Variants in PCDHGB6 observed in about 807,000 individuals in gnomAD.
PCDHGB6 encodes protocadherin gamma subfamily B, 6, also known as protocadherin gamma-B6.
Under a neutral mutation model 59.1 loss-of-function variants are expected in PCDHGB6, and 51 were observed. That is an observed-to-expected ratio of 0.86 (90% confidence interval 0.69 to 1.09). The LOEUF is 1.09. Ranked by LOEUF, PCDHGB6 falls within the 50% of genes least tolerant of loss-of-function variation. The pLI, the probability that PCDHGB6 is intolerant of heterozygous loss-of-function variation, is 0.00. For missense variants in PCDHGB6, 1,148 were observed against 1,205.1 expected, an observed-to-expected ratio of 0.95 and a Z score of 0.70; for synonymous variants, 466 against 495.1, an observed-to-expected ratio of 0.94 and a Z score of 0.78.
chr5:141,448,786 A>C (rs1354591718), intron 1 of PCDHGB6, among the ~76,000 whole-genome samples: 1 of 148,848 alleles, frequency 6.7e-6, no homozygotes, highest in African/African-American at 2.5e-5. Flanking sequence ...TAAAAATACA[A>C]AAAAAAAAAT....
At chr5:141,452,161 A>G (rs559274240) in intron 1 of PCDHGB6, among the ~76,000 whole-genome samples, 1 of 152,204 alleles carries the variant, frequency 6.6e-6, no homozygotes, top group South Asian at 2.1e-4. Context: ...GTTATATTCT[A>G]TTACTAACAT....
At chr5:141,497,464 T>C (rs1277760390) in intron 2 of PCDHGB6, among the ~76,000 whole-genome samples, 1 of 151,764 alleles carries the variant, frequency 6.6e-6, no homozygotes, top group Admixed American at 6.6e-5. Context: ...CTTGGAGATA[T>C]GGAGGAGAAG....
At chr5:141,508,700 CCT>C in intron 3 of PCDHGB6, among the ~76,000 whole-genome samples, 1 of 152,158 alleles carries the variant, frequency 6.6e-6, no homozygotes, top group Non-Finnish European at 1.5e-5. Flanking sequence ...CCGTGTTCCT[CCT>C]CATTCTTTTC....
chr5:141,471,564 T>C (rs1352708320), intron 1 of PCDHGB6: 1 of 152,184 alleles, frequency 6.6e-6, no homozygotes, highest in African/African-American at 2.4e-5. Context: ...GACTCAGGGG[T>C]AGCAGTAGAT....
intron 1 of PCDHGB6, chr5:141,423,839 A>C: frequency 7.8e-7 from 1 of 1,279,970 alleles, no homozygotes; most frequent in Admixed American, 3.8e-5. Flanking sequence ...AGATTACGAT[A>C]ATCTTTCAGA....
intron 1 of PCDHGB6, among the ~76,000 whole-genome samples, chr5:141,465,090 A>G (rs566511602): frequency 6.7e-6 from 1 of 149,576 alleles, no homozygotes; most frequent in Admixed American, 6.7e-5. Flanking sequence ...TCATTTTTCT[A>G]GTAGTTTTTT....
At chr5:141,450,727 T>G (rs1592137328) in intron 1 of PCDHGB6, among the ~76,000 whole-genome samples, 1 of 152,080 alleles carries the variant, frequency 6.6e-6, no homozygotes, top group Non-Finnish European at 1.5e-5. Flanking sequence ...CCTCAGGTGA[T>G]CCGCCCGCCT....
At position 141,408,061 on chromosome 5, in the gene PCDHGB6, G is replaced by C; in HGVS notation, c.-142G>C. On this transcript the variant is annotated 5_prime_UTR_variant, in exon 1 of 4. Transcript: ENST00000520790. ...AGCTCCCACACAGAGCCTCCCGGCT[G>C]CGCAGACCTTTCCCAGCACAGCGGA... The C allele has an allele frequency of 7.5e-7, 1 of 1,332,898 alleles. No individual in the cohort carries two copies. Among genetic ancestry groups the C allele is most frequent in the Non-Finnish European group, 1.0e-6 (1 of 1,004,340 alleles). 82.6% of individuals were successfully genotyped at this position (1,332,898 alleles called of 1,614,324 possible). A position where few individuals can be genotyped will look rare whatever the true frequency, so the allele number is the denominator to read the frequency against.
At chr5:141,423,836 GATA>G (rs752488755) in intron 1 of PCDHGB6, 23 of 1,275,246 alleles carry the variant, frequency 1.8e-5, no homozygotes, top group Non-Finnish European at 2.1e-5. Context: ...ATGAGATTAC[GATA>G]ATCTTTCAGA....
At chr5:141,413,270 C>T (rs2095621736) in intron 1 of PCDHGB6, 5 of 1,613,924 alleles carry the variant, frequency 3.1e-6, no homozygotes, top group Non-Finnish European at 4.2e-6. Flanking sequence ...GAGGCTGGAG[C>T]CCGGCAGATC....
Position 141,409,882 on chromosome 5 carries a change from G to A in PCDHGB6, c.1680G>A (p.Pro560=). The change falls in exon 1 of 4, where the codon CCG becomes CCA. Residue 560 remains proline (P), a synonymous_variant. Coordinates refer to ENST00000520790, the MANE Select transcript of PCDHGB6 (RefSeq NM_018926.3). Reference sequence around the variant, plus strand: ...TGGGAGACCGCAATGACAACGCACCGCGGGTGCTGTACCCAGCTCTGGGTC... The same window carrying A: ...TGGGAGACCGCAATGACAACGCACCACGGGTGCTGTACCCAGCTCTGGGTC... ...VLVGDRNDNA[P]RVLYPALGPD... 6.2e-7 allele frequency: 1 copy of A among 1,613,006 alleles called. No homozygotes were observed. The highest frequency in any genetic ancestry group is 8.5e-7 in the Non-Finnish European group (1 of 1,179,632).
chr5:141,422,580 C>T (rs1310564205), intron 1 of PCDHGB6: 10 of 1,613,934 alleles, frequency 6.2e-6, no homozygotes, highest in Non-Finnish European at 8.5e-6. Flanking sequence ...ATAACCCTCC[C>T]GTTTTTCCTC....
intron 2 of PCDHGB6, among the ~76,000 whole-genome samples, chr5:141,501,109 C>T (rs909874167): frequency 2.0e-5 from 3 of 152,106 alleles, no homozygotes; most frequent in South Asian, 2.1e-4. Context: ...CCTCGTGATC[C>T]GCCTGCCTCA....
intron 2 of PCDHGB6, among the ~76,000 whole-genome samples, chr5:141,505,145 G>A (rs540889707): frequency 1.3e-5 from 2 of 152,288 alleles, no homozygotes; most frequent in East Asian, 3.9e-4. Flanking sequence ...CTGGATGACA[G>A]AGTAAGACCC....
rs775705715 is a variant in PCDHGB6 at position 141,422,475 on chromosome 5, C to T, written c.2418+11855C>T. ...GCAGAGTGCTGGACAGGGAGTTGGT[C>T]CAGAGCTACAATATAACGTTGACAG... On this transcript the variant is annotated intron_variant, in intron 1 of 3. Coordinates refer to ENST00000520790, the MANE Select transcript of PCDHGB6 (RefSeq NM_018926.3). The T allele has an allele frequency of 7.4e-6, 12 of 1,613,672 alleles. No individual in the cohort carries two copies. The East Asian group carries it at 2.0e-4, about 27-fold the overall frequency.
intron 1 of PCDHGB6, chr5:141,422,633 G>A (rs769515606): frequency 1.9e-6 from 3 of 1,613,120 alleles, no homozygotes; most frequent in Non-Finnish European, 2.5e-6. Flanking sequence ...AACCCCAGGG[G>A]TGCCTCCATC....
At chr5:141,460,214 G>A (rs925628892) in intron 1 of PCDHGB6, among the ~76,000 whole-genome samples, 2 of 151,896 alleles carry the variant, frequency 1.3e-5, no homozygotes, top group Admixed American at 6.6e-5. Flanking sequence ...CATTTTCTTA[G>A]TTGTGTCTTT....
At chr5:141,428,551 G>A (rs1192248816) in intron 1 of PCDHGB6, 1 of 254,070 alleles carries the variant, frequency 3.9e-6, no homozygotes, top group Non-Finnish European at 7.8e-6. Flanking sequence ...ACCAGAAACA[G>A]TCCCCCCACA....
At chr5:141,492,587 C>G (rs2154587748) in intron 1 of PCDHGB6, among the ~76,000 whole-genome samples, 1 of 152,314 alleles carries the variant, frequency 6.6e-6, no homozygotes, top group African/African-American at 2.4e-5. Flanking sequence ...GGGCCAGGAG[C>G]GCTGGAGCGA....
Sources: allele counts gnomAD v4.1 joint callset (sites outside exome capture counted in the v4.1 genomes callset), GRCh38; gene constraint gnomAD v4.1.1; transcripts MANE v1.5; gene names NCBI Gene and HGNC (gene_info 2026-07-23, HGNC 2026-07-21).